The following WDR48 variants were observed in gnomAD, a reference collection of about 807,000 sequenced individuals.
WDR48 encodes WD repeat-containing protein 48.
A neutral mutation model predicts 94.0 loss-of-function variants in WDR48; 22 were observed. The ratio of observed to expected loss-of-function variants is 0.23; its 90% CI spans 0.17 to 0.33. WDR48 has a LOEUF of 0.33. WDR48 is among the 10% of genes least tolerant of loss of function. The pLI, the probability that WDR48 is intolerant of heterozygous loss-of-function variation, is 1.00. For missense variants in WDR48, 541 were observed against 813.8 expected (o/e 0.66, Z 4.08); for synonymous variants, 278 against 280.5 (o/e 0.99, Z 0.09).
intron 8 of WDR48, among the ~76,000 whole-genome samples, chr3:39,075,209 T>A (rs1440762768): frequency 6.7e-6 from 1 of 149,994 alleles, no homozygotes; most frequent in Non-Finnish European, 1.5e-5. Context: ...TTTTTTTTTT[T>A]TTTAACAGTT....
Position 39,089,318 on chromosome 3 carries a change from T to C in WDR48, c.1668T>C (p.Asp556=), listed in dbSNP as rs532352030. The change falls in exon 16 of 19, where the codon GAT becomes GAC. Residue 556 remains aspartate, a splice_region_variant and synonymous_variant. Transcript: ENST00000302313. The stretch of plus-strand genomic sequence containing the variant: ...AATGGGTAATTGACATCACTGTGGA[T>C]GTAAGTATCCTCCACTCCCACTTTG... ...VPQWVIDITV[D]KNMPKFNKIP... is the part of the protein sequence containing the mutation. 1 of 1,611,736 alleles carries C rather than the reference T, an allele frequency of 6.2e-7. No individual in the cohort carries two copies. The highest frequency in any genetic ancestry group is 8.5e-7 in the Non-Finnish European group (1 of 1,178,742).
intron 5 of WDR48, among the ~76,000 whole-genome samples, chr3:39,067,917 A>G (rs1259495719): frequency 6.6e-6 from 1 of 151,916 alleles, no homozygotes; most frequent in Non-Finnish European, 1.5e-5. Flanking sequence ...TGGGGCTGTC[A>G]TGGTACATCA....
intron 11 of WDR48, among the ~76,000 whole-genome samples, chr3:39,080,574 G>A (rs2034467245): frequency 6.6e-6 from 1 of 152,168 alleles, no homozygotes; most frequent in Non-Finnish European, 1.5e-5. Context: ...ACTGTCATGT[G>A]CAAAGAACCA....
intron 5 of WDR48, among the ~76,000 whole-genome samples, chr3:39,067,646 G>A (rs554046523): frequency 6.6e-6 from 1 of 152,286 alleles, no homozygotes; most frequent in South Asian, 2.1e-4. Context: ...GAAGACATGG[G>A]CCTGCATTCT....
rs1441621106 is a variant in WDR48, at chr3:39,072,828, G to A, written c.673-1898G>A. Among the ~76,000 whole-genome samples, 4 of 152,156 alleles carry A rather than the reference G, an allele frequency of 2.6e-5. No individual in the cohort carries two copies. The East Asian group carries it at 7.7e-4, about 29-fold the overall frequency. On this transcript the variant is annotated intron_variant, in intron 7 of 18. Transcript: ENST00000302313. ...ACATTCTTTAATTATACTACCAAAT[G>A]CTGCGAAGAAGTTGGCCAACATAAT...
chr3:39,056,080 T>C (rs2032865603), intron 1 of WDR48, among the ~76,000 whole-genome samples: 1 of 152,252 alleles, frequency 6.6e-6, no homozygotes, highest in Admixed American at 6.5e-5. Flanking sequence ...ATAACAAGTT[T>C]TTAAGGTGAC....
intron 16 of WDR48, 188 bp downstream of exon 16, chr3:39,089,506 T>C: frequency 5.2e-6 from 2 of 386,690 alleles, no homozygotes. Flanking sequence ...CTAGCTTTGT[T>C]GGTTTTTAAT....
At chr3:39,077,943 T>C (rs1024243139) in intron 9 of WDR48, 194 bp from the exon 10 acceptor site, 1 of 507,568 alleles carries the variant, frequency 2.0e-6, no homozygotes, top group African/African-American at 1.9e-5. Flanking sequence ...CCAAAGACAA[T>C]ATTCCCTTCT....
chr3:39,062,807 G>A (rs1190191866), intron 1 of WDR48, among the ~76,000 whole-genome samples: 1 of 152,180 alleles, frequency 6.6e-6, no homozygotes, highest in Non-Finnish European at 1.5e-5. Flanking sequence ...TGGGAAAGGA[G>A]TCCAGTCAGG....
chr3:39,072,648 A>G (rs2034003892), intron 7 of WDR48, among the ~76,000 whole-genome samples: 1 of 152,176 alleles, frequency 6.6e-6, no homozygotes, highest in Non-Finnish European at 1.5e-5. Context: ...AGAATCATTG[A>G]AGGACATTCT....
intron 1 of WDR48, among the ~76,000 whole-genome samples, chr3:39,053,231 C>T (rs1056735564): frequency 6.6e-6 from 1 of 152,150 alleles, no homozygotes; most frequent in Non-Finnish European, 1.5e-5. Flanking sequence ...CCTAGGCTTT[C>T]TTTATAAAAC....
chr3:39,072,191 C>G (rs980457005), intron 7 of WDR48, among the ~76,000 whole-genome samples: 1 of 152,222 alleles, frequency 6.6e-6, no homozygotes, highest in Admixed American at 6.5e-5. Flanking sequence ...ATTTGAGGTT[C>G]TCCCTAAGGG....
chr3:39,085,807 C>CTTA (rs748370062), intron 14 of WDR48, among the ~76,000 whole-genome samples, 197 bp downstream of exon 14: 2 of 152,186 alleles, frequency 1.3e-5, no homozygotes, highest in Admixed American at 6.5e-5. Flanking sequence ...AGCAGACCAC[C>CTTA]TTATGATATG....
chr3:39,073,800 A>C (rs1288319087), intron 7 of WDR48, among the ~76,000 whole-genome samples: 1 of 152,228 alleles, frequency 6.6e-6, no homozygotes, highest in Non-Finnish European at 1.5e-5. Flanking sequence ...GAAAGTGTCC[A>C]ACGCAAAGAG....
intron 18 of WDR48, chr3:39,094,300 C>T (rs2035231012): frequency 1.4e-6 from 2 of 1,423,914 alleles, no homozygotes; most frequent in Non-Finnish European, 1.8e-6. Flanking sequence ...AGAAAAAAGA[C>T]ACATGGTCTT....
Position 39,063,066 on chromosome 3 carries a change from G to T in WDR48, c.65G>T (p.Arg22Leu). The T allele has an allele frequency of 6.2e-7, 1 of 1,613,970 alleles. No homozygotes were observed. The highest frequency in any genetic ancestry group is 1.1e-5 in the South Asian group (1 of 91,060). ...RRKVQVSYVI[R>L]DEVEKYNRNG... ...ATTTGTCAGGTTTCCTATGTTATTC[G>T]AGATGAAGTGGAGAAGTACAACCGA... The change falls in exon 2 of 19, where the codon CGA (arginine) becomes CTA (leucine). Residue 22 changes from arginine (R) to leucine (L), a missense_variant. Arg to Leu is a moderately radical substitution (Grantham distance 102, BLOSUM62 -2). Around this residue, in one of 5 missense-constraint regions of WDR48, gnomAD observed 90 missense variants for 122.3 expected, o/e 0.74. Transcript: ENST00000302313.
chr3:39,062,942 A>C (rs564751796), intron 1 of WDR48, 108 bp from the exon 2 acceptor site: 3 of 1,390,282 alleles, frequency 2.2e-6, no homozygotes, highest in African/African-American at 1.4e-5. Context: ...GAAAAAGTAC[A>C]TATTGGAAAA....
intron 1 of WDR48, 39 bp downstream of exon 1, chr3:39,052,112 G>A: frequency 2.5e-6 from 4 of 1,611,142 alleles, no homozygotes; most frequent in Non-Finnish European, 1.7e-6. Flanking sequence ...GGACGCGGCC[G>A]GCAGCTCCGG....
At chr3:39,059,554 C>T (rs1478740840) in intron 1 of WDR48, among the ~76,000 whole-genome samples, 2 of 152,090 alleles carry the variant, frequency 1.3e-5, no homozygotes, top group Non-Finnish European at 2.9e-5. Flanking sequence ...ATTTCCTGAC[C>T]TTGGGCTCTG....
Sources: allele counts gnomAD v4.1 joint callset (sites outside exome capture counted in the v4.1 genomes callset), GRCh38; gene constraint gnomAD v4.1.1; regional missense constraint gnomAD v4.1.1; transcripts MANE v1.5; gene names NCBI Gene and HGNC (gene_info 2026-07-23, HGNC 2026-07-21).